The following PICALM variants were observed in gnomAD, a reference collection of about 807,000 sequenced individuals.
PICALM encodes phosphatidylinositol-binding clathrin assembly protein.
Under a neutral mutation model 80.5 loss-of-function variants are expected in PICALM, and 40 were observed. The ratio of observed to expected loss-of-function variants is 0.50; its 90% CI spans 0.39 to 0.65. The LOEUF is 0.65. Ranked by LOEUF, PICALM falls within the 30% of genes least tolerant of loss-of-function variation. The pLI, the probability that PICALM is intolerant of heterozygous loss-of-function variation, is 0.00. For missense variants in PICALM, 676 were observed against 778.9 expected (o/e 0.87, Z 1.57); for synonymous variants, 288 against 260.3 (o/e 1.11, Z -1.02).
At position 86,056,134 on chromosome 11, in the gene PICALM, T is replaced by TAAAAAAAAAAAAAAAAAAAAAAAA. The variant is rs376759395; in HGVS notation, c.130+12516_130+12517insTTTTTTTTTTTTTTTTTTTTTTTT. On this transcript the variant is annotated intron_variant, in intron 1 of 19. Transcript: ENST00000393346. ...TGGGTGACAGAACAAGACTCTGTCT[T>TAAAAAAAAAAAAAAAAAAAAAAAA]TAAAAAAAAAAAAAAAGAAAAAACC... is the stretch of plus-strand genomic sequence containing the variant. 3.1e-4 allele frequency among the ~76,000 whole-genome samples: 24 copies of TAAAAAAAAAAAAAAAAAAAAAAAA among 76,812 alleles called. 3 individuals are homozygous for TAAAAAAAAAAAAAAAAAAAAAAAA. Among genetic ancestry groups the TAAAAAAAAAAAAAAAAAAAAAAAA allele is most frequent in the Non-Finnish European group, 4.7e-4 (18 of 38,068 alleles). The allele number at this position is 76,812 out of a possible 152,430, so 50.4% of individuals were successfully genotyped here.
intron 1 of PICALM, among the ~76,000 whole-genome samples, chr11:86,058,592 T>C (rs2096305902): frequency 6.6e-6 from 1 of 152,238 alleles, no homozygotes; most frequent in Non-Finnish European, 1.5e-5. Flanking sequence ...ATCAACTTAC[T>C]GATTAAGTAA....
rs894417808 is a variant in PICALM, at chr11:85,958,739, C to T, written c.*307G>A. 6.6e-6 allele frequency: 2 copies of T among 305,202 alleles called. No homozygotes were observed. The highest frequency in any genetic ancestry group is 1.2e-5 in the Non-Finnish European group (2 of 165,812). 18.9% of individuals were successfully genotyped at this position (305,202 alleles called of 1,614,324 possible). On this transcript the variant is annotated 3_prime_UTR_variant, in exon 20 of 20. Transcript: ENST00000393346. ...AAATTTCACACTTTCCAAATAAGGG[C>T]TTTTCTTGATAGGTTACTGATTATG...
chr11:85,986,945 G>C (rs1419611922), intron 13 of PICALM, among the ~76,000 whole-genome samples: 6 of 152,150 alleles, frequency 3.9e-5, no homozygotes, highest in Non-Finnish European at 8.8e-5. Flanking sequence ...TTATCATTTA[G>C]AAACCACTGG....
chr11:85,962,516 C>G (rs1266357546), intron 19 of PICALM, among the ~76,000 whole-genome samples: 1 of 152,154 alleles, frequency 6.6e-6, no homozygotes, highest in Non-Finnish European at 1.5e-5. Context: ...TAAAATGCCC[C>G]TGAAGAATAC....
At chr11:85,959,633 C>CAA (rs1161064257) in intron 19 of PICALM, among the ~76,000 whole-genome samples, 18,927 of 45,006 alleles carry the variant, frequency 0.42, 5,153 homozygotes, top group Non-Finnish European at 0.44. Context: ...AACTCCATCT[C>CAA]AAAAAAAAAA....
intron 16 of PICALM, 133 bp downstream of exon 16, chr11:85,981,606 CAAAAAA>C: frequency 1.8e-6 from 1 of 543,220 alleles, no homozygotes; most frequent in Non-Finnish European, 3.1e-6. Flanking sequence ...GACTCCGTGT[CAAAAAA>C]AAAAAAAAAA....
chr11:86,039,174 T>C (rs145512784), intron 1 of PICALM, among the ~76,000 whole-genome samples: 105 of 151,988 alleles, frequency 6.9e-4, no homozygotes, highest in African/African-American at 2.5e-3. Flanking sequence ...GATATGCTAT[T>C]TCTGTCACTG....
chr11:86,049,537 T>A (rs938593312), intron 1 of PICALM, among the ~76,000 whole-genome samples: 4 of 152,056 alleles, frequency 2.6e-5, no homozygotes, highest in African/African-American at 9.7e-5. Flanking sequence ...GAAATTCATT[T>A]TCTTTTATTT....
chr11:85,990,147 C>A, intron 13 of PICALM, 103 bp downstream of exon 13: 2 of 545,126 alleles, frequency 3.7e-6, no homozygotes, highest in Middle Eastern at 5.2e-4. Context: ...ATATTAAAAT[C>A]TAAAGTAACT....
intron 1 of PICALM, among the ~76,000 whole-genome samples, chr11:86,061,154 C>T (rs952683391): frequency 9.9e-5 from 15 of 151,756 alleles, no homozygotes; most frequent in Non-Finnish European, 1.9e-4. Flanking sequence ...TATGGTCAAA[C>T]GCCATCTCTA....
At chr11:86,039,384 A>G (rs764425406) in intron 1 of PICALM, among the ~76,000 whole-genome samples, 1 of 152,174 alleles carries the variant, frequency 6.6e-6, no homozygotes. Flanking sequence ...CCTGGGAAAC[A>G]CAGTGACACT....
intron 19 of PICALM, among the ~76,000 whole-genome samples, chr11:85,965,825 T>G (rs1315517016): frequency 0.011 from 1,572 of 141,906 alleles, 41 homozygotes; most frequent in African/African-American, 0.039. Context: ...GTTTTTTTTT[T>G]TTTTTTTTTT....
upstream of PICALM, chr11:86,069,244 A>C: frequency 5.7e-6 from 1 of 175,988 alleles, no homozygotes; most frequent in Non-Finnish European, 1.2e-5. Context: ...CCCGCGCGTT[A>C]CGTGATGGAA....
intron 9 of PICALM, among the ~76,000 whole-genome samples, chr11:86,001,588 T>C (rs1031630820): frequency 9.9e-5 from 15 of 152,210 alleles, no homozygotes; most frequent in Non-Finnish European, 1.8e-4. Context: ...CACCAAAACA[T>C]GCATACCAGT....
chr11:85,972,697 T>C (rs2094148047), intron 19 of PICALM, among the ~76,000 whole-genome samples: 1 of 152,092 alleles, frequency 6.6e-6, no homozygotes, highest in African/African-American at 2.4e-5. Flanking sequence ...ACTATAGCTT[T>C]AAAAAAAATT....
chr11:86,060,729 C>A, intron 1 of PICALM, among the ~76,000 whole-genome samples: 1 of 120,666 alleles, frequency 8.3e-6, no homozygotes, highest in Non-Finnish European at 1.9e-5. Context: ...ACTAGATATC[C>A]ACAGGCAAAA....
At chr11:85,992,879 T>C (rs186280675) in intron 12 of PICALM, among the ~76,000 whole-genome samples, 2 of 152,276 alleles carry the variant, frequency 1.3e-5, no homozygotes, top group Admixed American at 1.3e-4. Context: ...TTCAGAAATA[T>C]TTGCAAATGC....
intron 19 of PICALM, 158 bp downstream of exon 19, chr11:85,974,550 C>T (rs775295883): frequency 3.9e-5 from 28 of 719,806 alleles, no homozygotes; most frequent in Middle Eastern, 2.4e-4. Flanking sequence ...ATCAATATTC[C>T]TAAAGCTCTT....
At chr11:85,983,374 AAAC>A (rs753491180) in intron 14 of PICALM, among the ~76,000 whole-genome samples, 2 of 152,206 alleles carry the variant, frequency 1.3e-5, no homozygotes, top group Non-Finnish European at 2.9e-5. Flanking sequence ...ATCATTCATA[AAAC>A]AATAAAAAGC....
Sources: allele counts gnomAD v4.1 joint callset (sites outside exome capture counted in the v4.1 genomes callset), GRCh38; gene constraint gnomAD v4.1.1; transcripts MANE v1.5; gene names NCBI Gene and HGNC (gene_info 2026-07-23, HGNC 2026-07-21).